The following ANKRD6 variants were observed in gnomAD, a reference collection of about 807,000 sequenced individuals.
The protein encoded by ANKRD6 is ankyrin repeat domain 6.
ANKRD6 carries 56 observed loss-of-function variants against 82.3 expected under a neutral mutation model. That is an observed-to-expected ratio of 0.68 (90% CI 0.55 to 0.85). The LOEUF (loss-of-function observed/expected upper bound fraction) is 0.85. ANKRD6 is among the 40% of genes least tolerant of loss of function. The pLI is 0.00. For missense variants in ANKRD6, 852 were observed against 907.6 expected, an observed-to-expected ratio of 0.94 and a Z score of 0.79; for synonymous variants, 347 against 352.1, an observed-to-expected ratio of 0.99 and a Z score of 0.16.
chr6:89,624,008 C>G lies in ANKRD6; in HGVS notation c.1169C>G (p.Ala390Gly), dbSNP rs377541073. The stretch of plus-strand genomic sequence containing the variant: ...CCACCCCCACCCCATGAGTTCAGGG[C>G]GTATCAGCTCTACACATTGTACCGG... Reference protein sequence around the residue: ...SSPPPPHEFRAYQLYTLYRGK... With the variant: ...SSPPPPHEFRGYQLYTLYRGK... The change falls in exon 12 of 16, where the codon GCG becomes GGG. Residue 390 changes from alanine to glycine, a missense_variant. Ala to Gly is a moderately conservative substitution (Grantham distance 60). Coordinates refer to ENST00000339746, the MANE Select transcript of ANKRD6 (RefSeq NM_001242809.2). 6.2e-7 allele frequency: 1 copy of G among 1,611,300 alleles called. No individual in the cohort carries two copies. The highest frequency in any genetic ancestry group is 1.3e-5 in the African/African-American group (1 of 74,152).
At chr6:89,590,414 A>G (rs545539011) in intron 2 of ANKRD6, among the ~76,000 whole-genome samples, 1 of 152,312 alleles carries the variant, frequency 6.6e-6, no homozygotes, top group East Asian at 1.9e-4. Flanking sequence ...GCCTCACCAC[A>G]GCGAGTTGAT....
At chr6:89,527,600 T>TG (rs1171378254) in intron 1 of ANKRD6, among the ~76,000 whole-genome samples, 1 of 13,060 alleles carries the variant, frequency 7.7e-5, no homozygotes, top group Non-Finnish European at 1.5e-4. Flanking sequence ...AGACTCCGTC[T>TG]CAAAAAAAAA....
At chr6:89,608,582 G>C (rs969003695) in intron 5 of ANKRD6, among the ~76,000 whole-genome samples, 1 of 151,948 alleles carries the variant, frequency 6.6e-6, no homozygotes, top group Non-Finnish European at 1.5e-5. Context: ...CTTTGTGAAC[G>C]TAATCTCTGT....
In ANKRD6 at chr6:89,545,877, T is replaced by C. The variant is rs192987457; in HGVS notation, c.-143-20957T>C. ...TGGAGTGCAGTGGTGCAATCTTGGC[T>C]CACTGCAAGCTCTTCCTCTCGGGTT... On this transcript the variant is annotated intron_variant, in intron 1 of 15. Coordinates refer to ENST00000339746, the MANE Select transcript of ANKRD6 (RefSeq NM_001242809.2). 1.1e-3 allele frequency among the ~76,000 whole-genome samples: 160 copies of C among 152,334 alleles called. 2 individuals carry two copies. In the East Asian group the frequency reaches 0.024, roughly 23 times the overall value.
At chr6:89,460,679 G>A (rs183684085) in intron 1 of ANKRD6, among the ~76,000 whole-genome samples, 79 of 151,956 alleles carry the variant, frequency 5.2e-4, no homozygotes, top group African/African-American at 7.2e-4. Context: ...CAGGCAATCC[G>A]GCTGTCTTGG....
At chr6:89,564,509 A>G (rs1001115707) in intron 1 of ANKRD6, among the ~76,000 whole-genome samples, 2 of 152,178 alleles carry the variant, frequency 1.3e-5, no homozygotes, top group Non-Finnish European at 2.9e-5. Flanking sequence ...CTTCAGTCTC[A>G]GTATCCAGGA....
intron 13 of ANKRD6, among the ~76,000 whole-genome samples, chr6:89,626,919 C>T (rs891345170): frequency 1.1e-4 from 16 of 152,226 alleles, no homozygotes; most frequent in African/African-American, 3.6e-4. Flanking sequence ...CTGCAAGAGC[C>T]GGATAAAAGC....
At chr6:89,462,233 A>AAATAATAAAAATAATAAT (rs375567283) in intron 1 of ANKRD6, among the ~76,000 whole-genome samples, 1,803 of 106,010 alleles carry the variant, frequency 0.017, 25 homozygotes, top group Non-Finnish European at 0.017. Flanking sequence ...CTCCATCTCA[A>AAATAATAAAAATAATAAT]AATAATAATA....
At chr6:89,502,124 T>A (rs571806186) in intron 1 of ANKRD6, among the ~76,000 whole-genome samples, 29 of 152,244 alleles carry the variant, frequency 1.9e-4, no homozygotes, top group South Asian at 2.1e-4. Flanking sequence ...TGTAACTTTT[T>A]TCCCCCAAGG....
chr6:89,452,259 G>C (rs992518998), intron 1 of ANKRD6, among the ~76,000 whole-genome samples: 1 of 152,188 alleles, frequency 6.6e-6, no homozygotes, highest in African/African-American at 2.4e-5. Flanking sequence ...TCCCAGTTAC[G>C]TAAAGTTGTT....
intron 1 of ANKRD6, among the ~76,000 whole-genome samples, chr6:89,496,208 G>A (rs1157119235): frequency 1.1e-4 from 16 of 151,394 alleles, no homozygotes; most frequent in Admixed American, 1.1e-3. Flanking sequence ...AAGTACTTAG[G>A]AATTTCCTTT....
At chr6:89,498,661 A>G (rs1451872625) in intron 1 of ANKRD6, among the ~76,000 whole-genome samples, 1 of 152,314 alleles carries the variant, frequency 6.6e-6, no homozygotes, top group East Asian at 1.9e-4. Flanking sequence ...AGAAGTGAAC[A>G]CGGATAATTT....
At chr6:89,551,188 G>A (rs1240482235) in intron 1 of ANKRD6, among the ~76,000 whole-genome samples, 3 of 152,166 alleles carry the variant, frequency 2.0e-5, no homozygotes, top group Non-Finnish European at 4.4e-5. Context: ...ATTTGAGAAT[G>A]CCTCAGGAAT....
At chr6:89,574,920 C>A (rs1482732295) in intron 2 of ANKRD6, among the ~76,000 whole-genome samples, 1 of 152,202 alleles carries the variant, frequency 6.6e-6, no homozygotes, top group Non-Finnish European at 1.5e-5. Flanking sequence ...CATGTACATA[C>A]AGGAGCCTTC....
chr6:89,498,232 G>A (rs1007965511), intron 1 of ANKRD6, among the ~76,000 whole-genome samples: 3 of 152,088 alleles, frequency 2.0e-5, no homozygotes, highest in Non-Finnish European at 4.4e-5. Flanking sequence ...TGAAGCTAGT[G>A]TTATTACTTT....
chr6:89,451,010 C>T (rs916283993), intron 1 of ANKRD6, among the ~76,000 whole-genome samples: 4 of 152,018 alleles, frequency 2.6e-5, no homozygotes, highest in East Asian at 1.9e-4. Flanking sequence ...CTCTATAATT[C>T]AAATTACTAA....
At chr6:89,579,369 G>C (rs1274270942) in intron 2 of ANKRD6, among the ~76,000 whole-genome samples, 1 of 152,212 alleles carries the variant, frequency 6.6e-6, no homozygotes, top group East Asian at 1.9e-4. Context: ...ACAATGCTAA[G>C]AGCTGTGGTC....
At chr6:89,478,185 G>C (rs541397942) in intron 1 of ANKRD6, 14 of 152,332 alleles carry the variant, frequency 9.2e-5, no homozygotes, top group African/African-American at 3.4e-4. Flanking sequence ...TACTCAGGAG[G>C]CTGAGGTGTG....
intron 1 of ANKRD6, among the ~76,000 whole-genome samples, chr6:89,505,373 A>T (rs1445072503): frequency 1.3e-5 from 2 of 152,152 alleles, no homozygotes; most frequent in African/African-American, 4.8e-5. Flanking sequence ...GGAAACAGCA[A>T]CTCCTCTAGG....
Sources: gnomAD v4.1 joint callset for allele counts (sites outside exome capture counted in the v4.1 genomes callset) on GRCh38, gnomAD v4.1.1 for gene constraint, MANE v1.5 for transcripts, NCBI Gene and HGNC (gene_info 2026-07-23, HGNC 2026-07-21) for gene names.